NCAN: variants seen among roughly 807,000 people sequenced by gnomAD.
The protein encoded by NCAN is neurocan.
Under a neutral mutation model 121.8 loss-of-function variants are expected in NCAN, and 47 were observed. The ratio of observed to expected loss-of-function variants is 0.39; its 90% CI spans 0.31 to 0.49. The LOEUF is 0.49. NCAN is among the 20% of genes least tolerant of loss of function. The probability of loss-of-function intolerance (pLI) is 0.92; values close to 1 mark genes in which losing one functional copy is unlikely to be tolerated. For missense variants in NCAN, 1,517 were observed against 1,773.4 expected, an observed-to-expected ratio of 0.86 and a Z score of 2.60; for synonymous variants, 633 against 702.0, an observed-to-expected ratio of 0.90 and a Z score of 1.55.
intron 8 of NCAN, among the ~76,000 whole-genome samples, chr19:19,231,567 A>C (rs535628574): frequency 6.6e-5 from 10 of 152,072 alleles, no homozygotes; most frequent in Admixed American, 1.3e-4. Context: ...GACTCAAGTG[A>C]TCTGCCCGCC....
chr19:19,249,524 C>T (rs1038157595), intron 14 of NCAN, among the ~76,000 whole-genome samples: 2 of 152,110 alleles, frequency 1.3e-5, no homozygotes, highest in South Asian at 2.1e-4. Context: ...TGTGCCGCCA[C>T]GCCTGGCTAA....
chr19:19,236,379 A>G (rs148746798), intron 10 of NCAN, among the ~76,000 whole-genome samples: 21 of 152,214 alleles, frequency 1.4e-4, no homozygotes, highest in African/African-American at 4.3e-4. Flanking sequence ...GTAGTATTCC[A>G]TTGTATGGCT....
Position 19,227,638 on chromosome 19 carries a change from C to A in NCAN, c.2018C>A (p.Ala673Glu). ...GCCACGGCTCCACCCTCCCCTGCTG[C>A]AGAGACCAAGGTGTATTCCCTGCCT... The part of the protein sequence containing the change: ...ATATAPPSPA[A>E]ETKVYSLPLS... Residue 673 changes from alanine (A) to glutamate (E), a missense_variant, in exon 8 of 15, where the codon GCA (alanine) becomes GAA (glutamate). Physicochemically the swap from Ala to Glu is moderately radical, Grantham distance 107 (BLOSUM62 -1). Transcript: ENST00000252575. This position sits in a 1 kb window ranked among gnomAD's most constrained non-coding sequence, Gnocchi z 4.2. The A allele has an allele frequency of 3.7e-6, 6 of 1,613,992 alleles. No homozygotes were observed. The highest frequency in any genetic ancestry group is 1.7e-5 in the Admixed American group (1 of 60,020).
intron 1 of NCAN, among the ~76,000 whole-genome samples, chr19:19,213,325 C>T (rs926714718): frequency 6.6e-5 from 10 of 151,996 alleles, no homozygotes; most frequent in Admixed American, 3.9e-4. Flanking sequence ...TCTGATGTGA[C>T]TGTGGTTGTG....
intron 13 of NCAN, among the ~76,000 whole-genome samples, chr19:19,247,410 C>T (rs952034645): frequency 6.6e-6 from 1 of 152,174 alleles, no homozygotes; most frequent in African/African-American, 2.4e-5. Context: ...CACGCTGCCA[C>T]ACCCAGCTAA....
rs762603305 is a variant in NCAN, at chr19:19,225,148, C to T, written c.950C>T (p.Pro317Leu). 2 of 1,530,436 alleles carry T rather than the reference C, an allele frequency of 1.3e-6. No individual in the cohort carries two copies. The highest frequency in any genetic ancestry group is 2.4e-5 in the South Asian group (2 of 83,548). The allele number at this position is 1,530,436 out of a possible 1,614,324, so 94.8% of individuals were successfully genotyped here. A position where few individuals can be genotyped will look rare whatever the true frequency, so the allele number is the denominator to read the frequency against. ...GWLADGSVRY[P>L]IQTPRRRCGG... ...CTGGCCGACGGCAGCGTGCGCTACC[C>T]GATCCAGACGCCGCGCCGGCGCTGC... Residue 317 changes from proline to leucine, a missense_variant, in exon 6 of 15, where the codon CCG becomes CTG. Pro to Leu is a moderately conservative substitution (Grantham distance 98). Transcript: ENST00000252575. The surrounding 1 kb of genome is among the most constrained non-coding windows in gnomAD (Gnocchi z 4.0).
chr19:19,224,938 T>G, intron 5 of NCAN, 39 bp from the exon 6 acceptor site: 1 of 1,361,860 alleles, frequency 7.3e-7, no homozygotes, highest in South Asian at 1.7e-5. Flanking sequence ...CAGGGGAGGG[T>G]TCCCCAGCCC....
Position 19,227,011 on chromosome 19 carries a change from G to A in NCAN, c.1598G>A (p.Gly533Asp), listed in dbSNP as rs1311847052. The A allele has an allele frequency of 6.6e-7, 1 of 1,526,542 alleles. No individual in the cohort carries two copies. Among genetic ancestry groups the A allele is most frequent in the Non-Finnish European group, 8.8e-7 (1 of 1,138,256 alleles). 94.6% of individuals were successfully genotyped at this position (1,526,542 alleles called of 1,614,324 possible). Residue 533 changes from glycine to aspartate, a missense_variant, in exon 7 of 15, where the codon GGC (glycine) becomes GAC (aspartate). Coordinates refer to ENST00000252575, the MANE Select transcript of NCAN (RefSeq NM_004386.3). This position sits in a 1 kb window ranked among gnomAD's most constrained non-coding sequence, Gnocchi z 4.2. Reference sequence around the variant, plus strand: ...GCCATGGCAGTCACAGAGATGTTGGGCAGTGGCCAGAGCCGGAGCCCCTGG... The same window carrying A: ...GCCATGGCAGTCACAGAGATGTTGGACAGTGGCCAGAGCCGGAGCCCCTGG... The part of the protein sequence containing the change: ...PLAMAVTEML[G>D]SGQSRSPWAD...
At position 19,226,625 on chromosome 19, in the gene NCAN, C is replaced by T. The variant is rs111365075; in HGVS notation, c.1212C>T (p.Phe404=). 1.1e-5 allele frequency: 17 copies of T among 1,613,892 alleles called. No homozygotes were observed. The highest frequency in any genetic ancestry group is 8.0e-5 in the African/African-American group (6 of 75,024). The part of the protein sequence containing the change: ...LEEEEVVTPD[F]QEPLVSSGEE... Reference sequence around the variant, plus strand: ...AGGAAGAGGTGGTCACCCCTGACTTCCAGGAGCCTCTGGTGTCCAGTGGGG... The same window carrying T: ...AGGAAGAGGTGGTCACCCCTGACTTTCAGGAGCCTCTGGTGTCCAGTGGGG... The change falls in exon 7 of 15, where the codon TTC becomes TTT. Residue 404 remains phenylalanine (F), a synonymous_variant. Transcript: ENST00000252575.
intron 12 of NCAN, among the ~76,000 whole-genome samples, chr19:19,241,375 C>T (rs554882991): frequency 6.6e-6 from 1 of 152,106 alleles, no homozygotes; most frequent in Non-Finnish European, 1.5e-5. Context: ...CTGCAGTGAC[C>T]TGTGATCACA....
rs893080077 is a variant in NCAN, at chr19:19,251,903, G to C, written c.*1992G>C. 6.6e-6 allele frequency: 1 copy of C among 151,484 alleles called. No homozygotes were observed. The highest frequency in any genetic ancestry group is 1.5e-5 in the Non-Finnish European group (1 of 67,914). The allele number at this position is 151,484 out of a possible 1,614,324, so 9.4% of individuals were successfully genotyped here. The stretch of plus-strand genomic sequence containing the variant: ...TTTTCCTTTGTTTGCGGGGGGCTGG[G>C]GATGCAGTGTTTTTTGGGGGGTCTT... On this transcript the variant is annotated 3_prime_UTR_variant, in exon 15 of 15. Coordinates refer to ENST00000252575, the MANE Select transcript of NCAN (RefSeq NM_004386.3).
chr19:19,239,108 G>A (rs28393849), intron 11 of NCAN, among the ~76,000 whole-genome samples: 14,749 of 151,882 alleles, frequency 0.097, 1,408 homozygotes, highest in African/African-American at 0.24. Context: ...CTATCTGCCC[G>A]TCCAGCGCCC....
At chr19:19,230,731 CTT>C (rs1214694253) in intron 8 of NCAN, among the ~76,000 whole-genome samples, 7 of 131,776 alleles carry the variant, frequency 5.3e-5, no homozygotes, top group Admixed American at 7.7e-5. Context: ...TTTTTTTTTC[CTT>C]TTTTTTTTTT....
At chr19:19,236,456 G>C (rs1366157241) in intron 10 of NCAN, among the ~76,000 whole-genome samples, 4 of 151,178 alleles carry the variant, frequency 2.6e-5, no homozygotes, top group Non-Finnish European at 5.9e-5. Flanking sequence ...AGAGGCTAAG[G>C]TCAATAGTGC....
intron 5 of NCAN, among the ~76,000 whole-genome samples, chr19:19,224,674 C>T (rs984230623): frequency 6.6e-6 from 1 of 151,430 alleles, no homozygotes; most frequent in African/African-American, 2.4e-5. Flanking sequence ...CTGTCCCCTG[C>T]CTGCCTCCCT....
At chr19:19,229,936 A>G (rs10414307) in intron 8 of NCAN, among the ~76,000 whole-genome samples, 4,350 of 152,282 alleles carry the variant, frequency 0.029, 209 homozygotes, top group African/African-American at 0.1. Flanking sequence ...GAAATTAGCC[A>G]GGCTGCAGTG....
At position 19,235,733 on chromosome 19, in the gene NCAN, C is replaced by T. The variant is rs927938522; in HGVS notation, c.3250+637C>T. ...CTGGGATTACAGGCACACGCCACCACGCCTAGCTAAATTTATTTTATTTTT... is the reference window on the plus strand; with the variant it reads ...CTGGGATTACAGGCACACGCCACCATGCCTAGCTAAATTTATTTTATTTTT... On this transcript the variant is annotated intron_variant, in intron 10 of 14. Transcript: ENST00000252575. Among the ~76,000 whole-genome samples the T allele has an allele frequency of 1.9e-4, 29 of 152,050 alleles. 1 individual carries two copies. Among genetic ancestry groups the T allele is most frequent in the Admixed American group, 1.5e-3 (23 of 15,264 alleles).
intron 2 of NCAN, among the ~76,000 whole-genome samples, chr19:19,218,549 C>T (rs1190637359): frequency 3.3e-5 from 5 of 151,826 alleles, no homozygotes; most frequent in Admixed American, 6.6e-5. Context: ...CTTGGCTCAC[C>T]GCAACCTCTG....
rs1176572659 is a variant in NCAN at position 19,227,927 on chromosome 19, T to C, written c.2307T>C (p.Ser769=). Residue 769 remains serine (S), a synonymous_variant, in exon 8 of 15, where the codon TCT becomes TCC. Transcript: ENST00000252575. The surrounding 1 kb of genome is among the most constrained non-coding windows in gnomAD (Gnocchi z 4.2). The stretch of plus-strand genomic sequence containing the variant: ...TCGACACAGCAGAAAGCCCCACTTC[T>C]GGCTTGCAGGCCACTGTAGATGAGG... ...GVFDTAESPT[S]GLQATVDEVQ... The C allele has an allele frequency of 1.2e-6, 2 of 1,613,462 alleles. No individual in the cohort carries two copies. The highest frequency in any genetic ancestry group is 2.2e-5 in the East Asian group (1 of 44,882).
Sources: allele counts gnomAD v4.1 joint callset (sites outside exome capture counted in the v4.1 genomes callset), GRCh38; gene constraint gnomAD v4.1.1; non-coding constraint Gnocchi (gnomAD v3.1); transcripts MANE v1.5; gene names NCBI Gene and HGNC (gene_info 2026-07-23, HGNC 2026-07-21).